The following FAM25A variants were observed in gnomAD, a reference collection of about 807,000 sequenced individuals.
FAM25A encodes protein FAM25A.
FAM25A carries 5 observed loss-of-function variants against 6.6 expected under a neutral mutation model. The ratio of observed to expected loss-of-function variants is 0.75; its 90% CI spans 0.39 to 1.59. The LOEUF (loss-of-function observed/expected upper bound fraction) is 1.59, where lower values mean the gene tolerates loss of function less well. Ranked by LOEUF, FAM25A falls within the 40% of genes most tolerant of loss-of-function variation. FAM25A has a pLI of 0.02. For synonymous variants in FAM25A, 36 were observed against 41.3 expected, an observed-to-expected ratio of 0.87 and a Z score of 0.49; for missense variants, 93 against 109.7, an observed-to-expected ratio of 0.85 and a Z score of 0.68.
intron 1 of FAM25A, among the ~76,000 whole-genome samples, chr10:87,022,003 G>T (rs987310285): frequency 2.0e-5 from 3 of 152,236 alleles, no homozygotes; most frequent in African/African-American, 7.2e-5. Flanking sequence ...GGGCCAAGGG[G>T]CTTCAGGGAC....
In FAM25A at chr10:87,022,324, G is replaced by A. The variant is rs759602524; in HGVS notation, c.84G>A (p.Val28=). 5.0e-5 allele frequency: 78 copies of A among 1,548,838 alleles called. 1 individual carries two copies. The South Asian group carries it at 8.0e-4, about 16-fold the overall frequency. ...EKATEGAIHA[V]EEVVKEVVGH... The stretch of plus-strand genomic sequence containing the variant: ...GTCTCCTCTGTTCAGTTCATGCCGT[G>A]GAAGAAGTGGTGAAGGAGGTGGTGG... Residue 28 remains valine (V), a synonymous_variant, in exon 2 of 3, where the codon GTG becomes GTA. Transcript: ENST00000343959.
chr10:87,022,448 C>T (rs1159978183), intron 2 of FAM25A, 72 bp downstream of exon 2: 52 of 1,510,514 alleles, frequency 3.4e-5, no homozygotes, highest in Non-Finnish European at 4.5e-5. Context: ...CCAACCTGTT[C>T]TTTGACTAAC....
intron 2 of FAM25A, among the ~76,000 whole-genome samples, chr10:87,023,767 A>ATTTG (rs371107469): frequency 1.2e-3 from 31 of 26,624 alleles, no homozygotes; most frequent in African/African-American, 6.2e-3. Context: ...AACAACAGAA[A>ATTTG]TTTCTCACAC....
Position 87,020,518 on chromosome 10 carries a change from C to T in FAM25A, c.73+121C>T, listed in dbSNP as rs532589239. On this transcript the variant is annotated intron_variant, in intron 1 of 2. Coordinates refer to ENST00000343959, the MANE Select transcript of FAM25A (RefSeq NM_001146157.3). ...GAGGAGGCCTTGGCCCCTCAGGAAC[C>T]CTGGTCCCCTGCTCTACCAAGTCAG... is the stretch of plus-strand genomic sequence containing the variant. 30 of 1,283,158 alleles carry T rather than the reference C, an allele frequency of 2.3e-5. No homozygotes were observed. The South Asian group carries it at 4.3e-4, about 19-fold the overall frequency. The allele number at this position is 1,283,158 out of a possible 1,614,324, so 79.5% of individuals were successfully genotyped here. A position where few individuals can be genotyped will look rare whatever the true frequency, so the allele number is the denominator to read the frequency against.
chr10:87,023,065 C>CA (rs944310557), intron 2 of FAM25A, among the ~76,000 whole-genome samples: 1 of 149,802 alleles, frequency 6.7e-6, no homozygotes, highest in South Asian at 2.1e-4. Flanking sequence ...ACTAAAAATA[C>CA]AAAAAATTAG....
intron 2 of FAM25A, among the ~76,000 whole-genome samples, 184 bp from the exon 3 acceptor site, chr10:87,024,357 T>C (rs1411807095): frequency 6.6e-6 from 1 of 152,050 alleles, no homozygotes; most frequent in Non-Finnish European, 1.5e-5. Flanking sequence ...GTTGAAGAAA[T>C]GCAAGTTGTT....
At position 87,024,552 on chromosome 10, in the gene FAM25A, G is replaced by C; in HGVS notation, c.148G>C (p.Ala50Pro). The C allele has an allele frequency of 6.5e-7, 1 of 1,535,772 alleles. No homozygotes were observed. The highest frequency in any genetic ancestry group is 8.7e-7 in the Non-Finnish European group (1 of 1,146,902). Residue 50 changes from alanine to proline, a missense_variant, in exon 3 of 3, where the codon GCC becomes CCC. Ala to Pro is a conservative substitution (Grantham distance 27). Coordinates refer to ENST00000343959, the MANE Select transcript of FAM25A (RefSeq NM_001146157.3). Reference sequence around the variant, plus strand: ...TTTCTTTCCAACAGCCATTGCTGAAGCCATAAAGAAAGCCCAAGAGTCAGG... The same window carrying C: ...TTTCTTTCCAACAGCCATTGCTGAACCCATAAAGAAAGCCCAAGAGTCAGG... ...KETGEKAIAE[A>P]IKKAQESGDK...
intron 2 of FAM25A, among the ~76,000 whole-genome samples, chr10:87,023,083 C>T (rs865935599): frequency 2.5e-4 from 36 of 143,538 alleles, no homozygotes; most frequent in African/African-American, 7.0e-4. Flanking sequence ...TAGCTGGGCA[C>T]GGTGGCGGGT....
intron 2 of FAM25A, among the ~76,000 whole-genome samples, chr10:87,023,680 C>A (rs1845352440): frequency 6.6e-6 from 1 of 152,182 alleles, no homozygotes; most frequent in African/African-American, 2.4e-5. Context: ...GAGATTGCAC[C>A]ACTGCACCCC....
intron 2 of FAM25A, among the ~76,000 whole-genome samples, chr10:87,023,092 G>A (rs1487024281): frequency 6.6e-6 from 1 of 151,492 alleles, no homozygotes; most frequent in Non-Finnish European, 1.5e-5. Context: ...ACGGTGGCGG[G>A]TGCCTGTAGT....
chr10:87,024,159 CA>C (rs68047620), intron 2 of FAM25A, among the ~76,000 whole-genome samples: 80,072 of 140,030 alleles, frequency 0.57, 22,153 homozygotes, highest in East Asian at 0.83. Context: ...TTTCTATAGC[CA>C]AAAAAAAAAA....
At chr10:87,021,975 G>A (rs1020714288) in intron 1 of FAM25A, among the ~76,000 whole-genome samples, 11 of 152,218 alleles carry the variant, frequency 7.2e-5, no homozygotes, top group African/African-American at 1.9e-4. Context: ...CCTGCTCATT[G>A]CCATTCCAGG....
intron 2 of FAM25A, among the ~76,000 whole-genome samples, chr10:87,023,944 GC>G (rs1845354800): frequency 6.6e-6 from 1 of 152,030 alleles, no homozygotes; most frequent in South Asian, 2.1e-4. Context: ...CCTCCCAAAG[GC>G]CCCACCTCTT....
Position 87,024,620 on chromosome 10 carries a change from A to G in FAM25A, c.216A>G (p.Thr72=), listed in dbSNP as rs1402434390. 6.5e-7 allele frequency: 1 copy of G among 1,535,814 alleles called. No individual in the cohort carries two copies. The highest frequency in any genetic ancestry group is 1.2e-5 in the South Asian group (1 of 83,968). The change falls in exon 3 of 3, where the codon ACA becomes ACG. Residue 72 remains threonine, a synonymous_variant. Transcript: ENST00000343959. The part of the protein sequence containing the change: ...MKEITETVTN[T]VTNAITHAAE... The stretch of plus-strand genomic sequence containing the variant: ...AAATCACTGAGACAGTGACCAACAC[A>G]GTCACAAATGCCATCACCCATGCAG...
rs1416193221 is a variant in FAM25A, at chr10:87,023,746, G to A, written c.137-795G>A. Reference sequence around the variant, plus strand: ...AAAAACAAAAACAAACCATAAACTGGGCGACTTAGAAACAACAGAAATTTC... The same window carrying A: ...AAAAACAAAAACAAACCATAAACTGAGCGACTTAGAAACAACAGAAATTTC... On this transcript the variant is annotated intron_variant, in intron 2 of 2. Transcript: ENST00000343959. 6.6e-5 allele frequency among the ~76,000 whole-genome samples: 9 copies of A among 135,706 alleles called. No homozygotes were observed. The East Asian group carries it at 2.0e-3, about 30-fold the overall frequency. 89.0% of individuals were successfully genotyped at this position (135,706 alleles called of 152,430 possible).
At chr10:87,022,416 G>A in intron 2 of FAM25A, 40 bp downstream of exon 2, 1 of 1,511,540 alleles carries the variant, frequency 6.6e-7, no homozygotes, top group East Asian at 2.5e-5. Flanking sequence ...GAGGGAGGGA[G>A]CAAGGGAAGC....
At chr10:87,022,679 C>A (rs1349740708) in intron 2 of FAM25A, among the ~76,000 whole-genome samples, 1 of 152,194 alleles carries the variant, frequency 6.6e-6, no homozygotes, top group African/African-American at 2.4e-5. Flanking sequence ...GTAATCCCAG[C>A]CCTTTGGGAG....
At chr10:87,022,273 C>G in intron 1 of FAM25A, 41 bp from the exon 2 acceptor site, 1 of 1,547,928 alleles carries the variant, frequency 6.5e-7, no homozygotes, top group Non-Finnish European at 8.7e-7. Context: ...GGCAGCGGCT[C>G]TGCTCTGAGC....
intron 2 of FAM25A, among the ~76,000 whole-genome samples, chr10:87,023,403 C>T (rs1351136313): frequency 6.6e-6 from 1 of 152,038 alleles, no homozygotes; most frequent in Non-Finnish European, 1.5e-5. Flanking sequence ...TAGGAGATAA[C>T]CATCTTAGCT....
Sources: allele counts gnomAD v4.1 joint callset (sites outside exome capture counted in the v4.1 genomes callset), GRCh38; gene constraint gnomAD v4.1.1; transcripts MANE v1.5; gene names NCBI Gene and HGNC (gene_info 2026-07-23, HGNC 2026-07-21).